EXOC6B: variants seen among roughly 807,000 people sequenced by gnomAD.
The protein encoded by EXOC6B is SEC15 homolog B.
EXOC6B carries 54 observed loss-of-function variants against 113.5 expected under a neutral mutation model. The ratio of observed to expected loss-of-function variants is 0.48; its 90% CI spans 0.38 to 0.60. The LOEUF is 0.60. EXOC6B is among the 20% of genes least tolerant of loss of function. The pLI is 0.00. For synonymous variants in EXOC6B, 357 were observed against 339.0 expected (o/e 1.05, Z -0.58); for missense variants, 797 against 977.5 (o/e 0.82, Z 2.46).
chr2:72,675,909 T>C (rs1573604638), intron 6 of EXOC6B, among the ~76,000 whole-genome samples: 1 of 152,264 alleles, frequency 6.6e-6, no homozygotes, highest in Admixed American at 6.5e-5. Context: ...CTTTCCTCTA[T>C]GTTCTACTAA....
At chr2:72,561,756 T>A (rs761702047) in intron 7 of EXOC6B, among the ~76,000 whole-genome samples, 2 of 152,176 alleles carry the variant, frequency 1.3e-5, no homozygotes, top group African/African-American at 2.4e-5. Flanking sequence ...GGCCACTTTT[T>A]GTCATCTCCA....
chr2:72,631,937 A>C (rs1672498741), intron 6 of EXOC6B, among the ~76,000 whole-genome samples: 1 of 152,216 alleles, frequency 6.6e-6, no homozygotes, highest in Admixed American at 6.5e-5. Context: ...GCCAACATGA[A>C]AAGCAATTTA....
intron 18 of EXOC6B, among the ~76,000 whole-genome samples, chr2:72,433,554 C>T (rs187460168): frequency 3.3e-5 from 5 of 152,180 alleles, no homozygotes. Context: ...AATGTGTTTC[C>T]ATTTGTTTGT....
rs373494889 is a variant in EXOC6B, at chr2:72,422,119, T to C, written c.1981-42249A>G. Among the ~76,000 whole-genome samples, 18 of 152,280 alleles carry C rather than the reference T, an allele frequency of 1.2e-4. No individual in the cohort carries two copies. In the East Asian group the frequency reaches 1.9e-3, roughly 16 times the overall value. On this transcript the variant is annotated intron_variant, in intron 18 of 21. Transcript: ENST00000272427. ...ATGCCTGAGCCTCCCACCCACTCCA[T>C]GGGCCCCGTGCGGCCCGAGCCTCCC...
At position 72,720,896 on chromosome 2, in the gene EXOC6B, T is replaced by C. The variant is rs1275739495; in HGVS notation, c.465-2589A>G. ...AAAAAAAGGGATGATATTTGTCTAATAGGAAAGCTTCTATAAGCATAGAAG... is the reference window on the plus strand; with the variant it reads ...AAAAAAAGGGATGATATTTGTCTAACAGGAAAGCTTCTATAAGCATAGAAG... On this transcript the variant is annotated intron_variant, in intron 5 of 21. Coordinates refer to ENST00000272427, the MANE Select transcript of EXOC6B (RefSeq NM_015189.3). Among the ~76,000 whole-genome samples the C allele has an allele frequency of 4.0e-5, 6 of 150,300 alleles. No individual in the cohort carries two copies. In the East Asian group the frequency reaches 1.2e-3, roughly 29 times the overall value.
At chr2:72,266,543 T>C (rs1478546081) in intron 20 of EXOC6B, among the ~76,000 whole-genome samples, 3 of 151,996 alleles carry the variant, frequency 2.0e-5, no homozygotes, top group South Asian at 2.1e-4. Context: ...TTTCTCAGGT[T>C]TGTCAAAGAT....
intron 6 of EXOC6B, among the ~76,000 whole-genome samples, chr2:72,699,948 G>T (rs1678192352): frequency 6.6e-6 from 1 of 152,100 alleles, no homozygotes; most frequent in Non-Finnish European, 1.5e-5. Context: ...GCAAATACCA[G>T]TATCTGTGGA....
chr2:72,204,911 G>T (rs975726331), intron 20 of EXOC6B, among the ~76,000 whole-genome samples: 3 of 152,126 alleles, frequency 2.0e-5, no homozygotes, highest in African/African-American at 4.8e-5. Flanking sequence ...GAAGGAGAAA[G>T]AAATTTGGCC....
At chr2:72,401,013 C>A (rs1693109333) in intron 18 of EXOC6B, among the ~76,000 whole-genome samples, 1 of 151,860 alleles carries the variant, frequency 6.6e-6, no homozygotes, top group Non-Finnish European at 1.5e-5. Context: ...CAGCACTATT[C>A]ATAATAGCAA....
chr2:72,636,929 A>G (rs1672880240), intron 6 of EXOC6B, among the ~76,000 whole-genome samples: 1 of 145,526 alleles, frequency 6.9e-6, no homozygotes, highest in Non-Finnish European at 1.6e-5. Context: ...GCAATCTACA[A>G]AAAAAAAAAC....
intron 20 of EXOC6B, among the ~76,000 whole-genome samples, chr2:72,254,738 G>A (rs1052304201): frequency 1.3e-5 from 2 of 152,160 alleles, no homozygotes; most frequent in Admixed American, 6.5e-5. Flanking sequence ...AGGGCCAGGC[G>A]TGGTGGCTCA....
At chr2:72,263,385 G>C (rs937044421) in intron 20 of EXOC6B, 1 of 152,224 alleles carries the variant, frequency 6.6e-6, no homozygotes, top group South Asian at 2.1e-4. Context: ...GCTATGTTTG[G>C]AGTAGAATAT....
chr2:72,537,829 T>C (rs1344573152), intron 8 of EXOC6B, among the ~76,000 whole-genome samples: 2 of 152,158 alleles, frequency 1.3e-5, no homozygotes, highest in African/African-American at 4.8e-5. Flanking sequence ...ATACGGTATA[T>C]CAAGTTGACA....
At chr2:72,414,014 T>C (rs960377803) in intron 18 of EXOC6B, among the ~76,000 whole-genome samples, 1 of 152,230 alleles carries the variant, frequency 6.6e-6, no homozygotes, top group South Asian at 2.1e-4. Context: ...ACCTACTTAA[T>C]ATTCCCATTT....
intron 20 of EXOC6B, among the ~76,000 whole-genome samples, chr2:72,185,362 CA>C (rs1286239327): frequency 6.6e-6 from 1 of 152,264 alleles, no homozygotes; most frequent in Non-Finnish European, 1.5e-5. Context: ...TGCAGCTGGG[CA>C]AACAGGCAGT....
intron 20 of EXOC6B, among the ~76,000 whole-genome samples, chr2:72,286,658 T>C (rs554923505): frequency 6.6e-6 from 1 of 152,242 alleles, no homozygotes; most frequent in East Asian, 1.9e-4. Flanking sequence ...TGGGTGATAA[T>C]GATATGTCAG....
rs11887152 is a variant in EXOC6B, at chr2:72,329,319, C to T, written c.2196+5628G>A. On this transcript the variant is annotated intron_variant, in intron 20 of 21. Transcript: ENST00000272427. ...CCTGTTAACAGTTTAATGGTTATAA[C>T]GAAAAACAGAAGACTGACATCTCTG... Among the ~76,000 whole-genome samples, 1,146 of 152,086 alleles carry T rather than the reference C, an allele frequency of 7.5e-3. 26 individuals carry two copies. Among genetic ancestry groups the T allele is most frequent in the African/African-American group, 0.026 (1,077 of 41,532 alleles).
chr2:72,513,773 A>G (rs1701068569), intron 10 of EXOC6B, among the ~76,000 whole-genome samples: 1 of 152,036 alleles, frequency 6.6e-6, no homozygotes. Context: ...GGTTTCAAAA[A>G]TGTGAAGTTA....
intron 20 of EXOC6B, among the ~76,000 whole-genome samples, chr2:72,307,728 A>G (rs1686969044): frequency 1.3e-5 from 2 of 152,188 alleles, no homozygotes; most frequent in African/African-American, 4.8e-5. Flanking sequence ...ATTAGCAAGC[A>G]GGCATTCTTT....
Sources: allele counts gnomAD v4.1 joint callset (sites outside exome capture counted in the v4.1 genomes callset), GRCh38; gene constraint gnomAD v4.1.1; transcripts MANE v1.5; gene names NCBI Gene and HGNC (gene_info 2026-07-23, HGNC 2026-07-21).